Variants in MUC12 observed in about 807,000 individuals in gnomAD.
MUC12 encodes the protein mucin-12.
MUC12 carries 172 observed loss-of-function variants against 230.8 expected under a neutral mutation model. That is an observed-to-expected ratio of 0.75 (90% CI 0.66 to 0.85). MUC12 has a LOEUF of 0.85. MUC12 is among the 40% of genes least tolerant of loss of function. The pLI, the probability that MUC12 is intolerant of heterozygous loss-of-function variation, is 0.00. For missense variants in MUC12, 3,506 were observed against 5,920.6 expected (o/e 0.59, Z 13.38); for synonymous variants, 1,259 against 2,401.9 (o/e 0.52, Z 13.91).
chr7:101,007,022 G>C (rs181484628), intron 3 of MUC12, among the ~76,000 whole-genome samples: 6 of 152,178 alleles, frequency 3.9e-5, no homozygotes, highest in Non-Finnish European at 8.8e-5. Context: ...GTGATGGCAC[G>C]ATCTTGGCTC....
rs543974329 is a variant in MUC12 at position 100,990,355 on chromosome 7, A to G, written c.68-276A>G. 5.8e-4 allele frequency among the ~76,000 whole-genome samples: 89 copies of G among 152,320 alleles called. 1 individual carries two copies. The highest frequency in any genetic ancestry group is 1.9e-3 in the African/African-American group (79 of 41,570). The stretch of plus-strand genomic sequence containing the variant: ...GAATCATCCCAAAACCATTCCCCCA[A>G]TAGCCAACAGCTCAAGTCCTTGGGA... On this transcript the variant is annotated intron_variant, in intron 1 of 11. Transcript: ENST00000536621.
intron 4 of MUC12, 64 bp downstream of exon 4, chr7:101,008,825 G>A: frequency 2.0e-6 from 3 of 1,488,256 alleles, no homozygotes; most frequent in Admixed American, 2.2e-5. Flanking sequence ...ATTGGGGGGT[G>A]CACCCCAACT....
intron 1 of MUC12, among the ~76,000 whole-genome samples, chr7:100,986,126 G>A (rs1471848531): frequency 6.6e-6 from 1 of 152,190 alleles, no homozygotes; most frequent in African/African-American, 2.4e-5. Flanking sequence ...TTGGGAGGCC[G>A]AGGTGTGAGA....
chr7:100,983,903 G>GA (rs1563087008), intron 1 of MUC12, among the ~76,000 whole-genome samples: 1 of 152,066 alleles, frequency 6.6e-6, no homozygotes, highest in African/African-American at 2.4e-5. Flanking sequence ...AAAGAAGAAG[G>GA]AAAAAATGAC....
intron 1 of MUC12, chr7:100,972,105 C>T (rs1792914477): frequency 1.4e-6 from 1 of 703,020 alleles, no homozygotes; most frequent in South Asian, 1.5e-5. Flanking sequence ...GACCCCCTGC[C>T]CTCCTCTTGC....
At chr7:101,014,897 C>G (rs1432007169) in intron 9 of MUC12, among the ~76,000 whole-genome samples, 3 of 152,296 alleles carry the variant, frequency 2.0e-5, no homozygotes, top group Non-Finnish European at 2.9e-5. Flanking sequence ...GTCCTCTCAC[C>G]TCAGCCTACA....
At position 100,992,513 on chromosome 7, in the gene MUC12, C is replaced by T. The variant is rs1357684485; in HGVS notation, c.1950C>T (p.Thr650=). The change falls in exon 2 of 12, where the codon ACC becomes ACT. Residue 650 remains threonine (T), a synonymous_variant. Coordinates refer to ENST00000536621, the MANE Select transcript of MUC12 (RefSeq NM_001164462.2). ...ACACTAGGCCTGCACCTCCTACTAC[C>T]ACATCAGCCTTTGTTGAGCCATCTA... ...SKDTRPAPPT[T]TSAFVEPSTT... is the part of the protein sequence containing the mutation. 5 of 1,537,952 alleles carry T rather than the reference C, an allele frequency of 3.3e-6. No individual in the cohort carries two copies. Among genetic ancestry groups the T allele is most frequent in the Middle Eastern group, 3.3e-4 (2 of 5,996 alleles).
chr7:100,993,017 C>A lies in MUC12; in HGVS notation c.2454C>A (p.Gly818=), dbSNP rs1410716273. The A allele has an allele frequency of 8.5e-6, 13 of 1,536,852 alleles. No homozygotes were observed. In the Admixed American group the frequency reaches 1.8e-4, roughly 21 times the overall value. ...TACCCGGCAGTACCACAACGCCAGGCCTCAGTGAGAGATCTACCACTTTCC... is the reference window on the plus strand; with the variant it reads ...TACCCGGCAGTACCACAACGCCAGGACTCAGTGAGAGATCTACCACTTTCC... The part of the protein sequence containing the change: ...TALPGSTTTP[G]LSERSTTFHS... The change falls in exon 2 of 12, where the codon GGC becomes GGA. Residue 818 remains glycine, a synonymous_variant. Transcript: ENST00000536621.
chr7:101,009,308 A>G lies in MUC12; in HGVS notation c.15251+149A>G, dbSNP rs1793807206. The G allele has an allele frequency of 5.1e-6, 4 of 786,108 alleles. No homozygotes were observed. The South Asian group carries it at 6.7e-5, about 13-fold the overall frequency. 48.7% of individuals were successfully genotyped at this position (786,108 alleles called of 1,614,324 possible). A position where few individuals can be genotyped will look rare whatever the true frequency, so the allele number is the denominator to read the frequency against. ...GCTAGGGAACACTGGGGGCTGTGAC[A>G]CCTTTCATTCTTCATTCATTCATCC... On this transcript the variant is annotated intron_variant, in intron 5 of 11. Coordinates refer to ENST00000536621, the MANE Select transcript of MUC12 (RefSeq NM_001164462.2).
chr7:100,995,441 A>T lies in MUC12; in HGVS notation c.4878A>T (p.Ser1626=), dbSNP rs1362516340. Residue 1626 remains serine (S), a synonymous_variant, in exon 2 of 12, where the codon TCA becomes TCT. Transcript: ENST00000536621. The part of the protein sequence containing the change: ...TTLSPGSTTA[S]SLGPESTTFH... ...TGTCCCCTGGCAGTACCACAGCATC[A>T]TCCCTTGGTCCAGAATCTACTACTT... 2.0e-6 allele frequency: 3 copies of T among 1,532,972 alleles called. No homozygotes were observed. The Admixed American group carries it at 5.9e-5, about 30-fold the overall frequency. The allele number at this position is 1,532,972 out of a possible 1,614,324, so 95.0% of individuals were successfully genotyped here.
intron 5 of MUC12, among the ~76,000 whole-genome samples, chr7:101,009,591 G>T (rs1018119805): frequency 3.9e-5 from 6 of 152,200 alleles, no homozygotes; most frequent in Non-Finnish European, 8.8e-5. Context: ...TCAATGCTTT[G>T]GGAGGCCAAT....
chr7:100,994,652 A>T lies in MUC12; in HGVS notation c.4089A>T (p.Thr1363=), dbSNP rs1373036874. The T allele has an allele frequency of 2.1e-6, 3 of 1,463,286 alleles. No homozygotes were observed. The highest frequency in any genetic ancestry group is 2.7e-6 in the Non-Finnish European group (3 of 1,110,044). The allele number at this position is 1,463,286 out of a possible 1,614,324, so 90.6% of individuals were successfully genotyped here. A position where few individuals can be genotyped will look rare whatever the true frequency, so the allele number is the denominator to read the frequency against. Residue 1363 remains threonine (T), a synonymous_variant, in exon 2 of 12, where the codon ACA becomes ACT. Coordinates refer to ENST00000536621, the MANE Select transcript of MUC12 (RefSeq NM_001164462.2). ...PTTSHSSQGS[T]EATLSPGSTT... ...CTTCCCACAGCAGCCAAGGCTCAAC[A>T]GAGGCAACACTGTCCCCTGGCAGTA...
Position 101,005,433 on chromosome 7 carries a change from T to C in MUC12, c.14870T>C (p.Leu4957Pro). 2.0e-6 allele frequency: 3 copies of C among 1,537,956 alleles called. No homozygotes were observed. Among genetic ancestry groups the C allele is most frequent in the Non-Finnish European group, 1.7e-6 (2 of 1,147,060 alleles). ...CCTGCGAGTTCCAGCACATCAGGCC[T>C]CACTGAGGAATCTACCACCTTCCAC... The part of the protein sequence containing the change: ...LFPASSSTSG[L>P]TEESTTFHTS... The change falls in exon 2 of 12, where the codon CTC (leucine) becomes CCC (proline). Residue 4957 changes from leucine to proline, a missense_variant. Coordinates refer to ENST00000536621, the MANE Select transcript of MUC12 (RefSeq NM_001164462.2).
At chr7:100,986,498 G>A (rs991796797) in intron 1 of MUC12, among the ~76,000 whole-genome samples, 1 of 151,558 alleles carries the variant, frequency 6.6e-6, no homozygotes, top group Non-Finnish European at 1.5e-5. Flanking sequence ...TCTTTTTCAT[G>A]AAGTTAGAAT....
At chr7:101,010,270 C>T (rs1030776175) in intron 5 of MUC12, among the ~76,000 whole-genome samples, 2 of 152,142 alleles carry the variant, frequency 1.3e-5, no homozygotes, top group Middle Eastern at 3.4e-3. Flanking sequence ...CATCAAGTTT[C>T]AAGTGCCCAG....
intron 1 of MUC12, among the ~76,000 whole-genome samples, chr7:100,983,931 C>T (rs1306965854): frequency 6.6e-6 from 1 of 152,170 alleles, no homozygotes; most frequent in Non-Finnish European, 1.5e-5. Context: ...GTATCACCTC[C>T]TCCTGGAAGC....
intron 5 of MUC12, 41 bp from the exon 6 acceptor site, chr7:101,012,255 G>T (rs1248611854): frequency 1.3e-6 from 2 of 1,532,684 alleles, no homozygotes; most frequent in Admixed American, 3.9e-5. Context: ...TGCTGGCTGG[G>T]TGGTGACATG....
At chr7:101,008,841 A>T in intron 4 of MUC12, 80 bp downstream of exon 4, 1 of 1,465,436 alleles carries the variant, frequency 6.8e-7, no homozygotes, top group South Asian at 1.3e-5. Flanking sequence ...CAACTTAGTG[A>T]TCTGAGTTCT....
Position 101,018,898 on chromosome 7 carries a change from T to C in MUC12, c.*262T>C. 2.3e-6 allele frequency: 1 copy of C among 435,636 alleles called. No homozygotes were observed. The highest frequency in any genetic ancestry group is 4.0e-6 in the Non-Finnish European group (1 of 249,004). 27.0% of individuals were successfully genotyped at this position (435,636 alleles called of 1,614,324 possible). ...TCTCCTCCTGGGTGGCTCCCCACTCTGGAATTTCCCTACCAATAAAAGCAA... is the reference window on the plus strand; with the variant it reads ...TCTCCTCCTGGGTGGCTCCCCACTCCGGAATTTCCCTACCAATAAAAGCAA... On this transcript the variant is annotated 3_prime_UTR_variant, in exon 12 of 12. Transcript: ENST00000536621.
Sources: allele counts gnomAD v4.1 joint callset (sites outside exome capture counted in the v4.1 genomes callset), GRCh38; gene constraint gnomAD v4.1.1; transcripts MANE v1.5; gene names NCBI Gene and HGNC (gene_info 2026-07-23, HGNC 2026-07-21).